PRELID2: variants seen among roughly 807,000 people sequenced by gnomAD.
PRELID2 encodes PRELI domain-containing protein 2.
A neutral mutation model predicts 28.4 loss-of-function variants in PRELID2; 25 were observed. The observed-to-expected ratio is 0.88, with a 90% CI of 0.64 to 1.23. The LOEUF (loss-of-function observed/expected upper bound fraction) is 1.23, where lower values mean the gene tolerates loss of function less well. Among genes scored for constraint, PRELID2 ranks in the 50% most tolerant of loss-of-function variants. PRELID2 has a pLI of 0.00. For synonymous variants in PRELID2, 76 were observed against 71.6 expected (o/e 1.06, Z -0.31); for missense variants, 201 against 214.4 (o/e 0.94, Z 0.39).
chr5:145,691,297 T>C (rs78481769), intron 1 of PRELID2, among the ~76,000 whole-genome samples: 5,195 of 152,296 alleles, frequency 0.034, 297 homozygotes, highest in African/African-American at 0.12. Flanking sequence ...CCAAGCACAG[T>C]TGCTGGTGGT....
the PRELID2 span, among the ~76,000 whole-genome samples, chr5:145,465,369 G>A: frequency 1.3e-5 from 2 of 152,028 alleles, no homozygotes; most frequent in Admixed American, 6.6e-5. Context: ...ATACAAATAA[G>A]GTATTCAAAT....
At chr5:145,257,309 G>A in the PRELID2 span, among the ~76,000 whole-genome samples, 1 of 152,034 alleles carries the variant, frequency 6.6e-6, no homozygotes, top group South Asian at 2.1e-4. Context: ...TTTTATGAAA[G>A]TAGATGAGGA....
the PRELID2 span, among the ~76,000 whole-genome samples, chr5:145,291,682 T>C: frequency 6.6e-6 from 1 of 152,188 alleles, no homozygotes; most frequent in African/African-American, 2.4e-5. Flanking sequence ...TTCTTTGTTG[T>C]TTCTAAAAAC....
the PRELID2 span, chr5:145,440,699 T>C: frequency 6.6e-5 from 10 of 152,096 alleles, no homozygotes; most frequent in African/African-American, 2.4e-4. Flanking sequence ...ACCAACACTC[T>C]ATTCTTAGAG....
At chr5:145,525,704 T>C (rs1431383946) in intron 1 of PRELID2, among the ~76,000 whole-genome samples, 1 of 152,194 alleles carries the variant, frequency 6.6e-6, no homozygotes, top group Non-Finnish European at 1.5e-5. Context: ...CGGTTTACTC[T>C]CAATGATCGA....
intron 1 of PRELID2, among the ~76,000 whole-genome samples, chr5:145,604,528 G>T (rs1753467959): frequency 6.6e-6 from 1 of 151,980 alleles, no homozygotes; most frequent in Non-Finnish European, 1.5e-5. Context: ...TGTGAACAGT[G>T]CTGCAATGAA....
chr5:145,272,075 T>C, the PRELID2 span, among the ~76,000 whole-genome samples: 1 of 138,758 alleles, frequency 7.2e-6, no homozygotes, highest in South Asian at 2.1e-4. Flanking sequence ...ACATATTGGA[T>C]GGCAACATAT....
At chr5:145,692,409 T>A (rs574270681) in intron 1 of PRELID2, among the ~76,000 whole-genome samples, 1 of 152,202 alleles carries the variant, frequency 6.6e-6, no homozygotes, top group East Asian at 1.9e-4. Context: ...GCCTCATGTG[T>A]AACCCTGCTG....
the PRELID2 span, among the ~76,000 whole-genome samples, chr5:145,408,620 C>T: frequency 1.3e-5 from 2 of 151,304 alleles, no homozygotes; most frequent in Non-Finnish European, 2.9e-5. Flanking sequence ...GAAAGAGATT[C>T]AGAGCTTGAA....
At chr5:145,789,619 C>T (rs1752233667) in intron 5 of PRELID2, among the ~76,000 whole-genome samples, 1 of 152,022 alleles carries the variant, frequency 6.6e-6, no homozygotes, top group Non-Finnish European at 1.5e-5. Flanking sequence ...CTCAAAAGCA[C>T]AGGGAACAAA....
At chr5:145,468,711 A>G (rs962109511), downstream of PRELID2, among the ~76,000 whole-genome samples, 3 of 152,116 alleles carry the variant, frequency 2.0e-5, no homozygotes, top group African/African-American at 7.2e-5. Flanking sequence ...CTGCATAAAT[A>G]TCTTCTTTTG....
chr5:145,370,419 G>T, the PRELID2 span, among the ~76,000 whole-genome samples: 2 of 152,032 alleles, frequency 1.3e-5, no homozygotes, highest in Non-Finnish European at 2.9e-5. Flanking sequence ...GTTTGTCAAA[G>T]ATCAGATGGT....
chr5:145,416,747 GCAAA>G, the PRELID2 span, among the ~76,000 whole-genome samples: 1 of 151,862 alleles, frequency 6.6e-6, no homozygotes, highest in Non-Finnish European at 1.5e-5. Context: ...AACTAGAAAA[GCAAA>G]CAAACCCCAA....
chr5:145,347,921 GA>G, the PRELID2 span, among the ~76,000 whole-genome samples: 1 of 152,004 alleles, frequency 6.6e-6, no homozygotes, highest in African/African-American at 2.4e-5. Flanking sequence ...ACTATTGAGG[GA>G]AAGACGCTTT....
At chr5:145,322,700 C>G in the PRELID2 span, among the ~76,000 whole-genome samples, 1 of 152,078 alleles carries the variant, frequency 6.6e-6, no homozygotes, top group Non-Finnish European at 1.5e-5. Context: ...TGTTCTTTAC[C>G]TCATAAAACT....
chr5:145,658,102 T>C (rs983603216), intron 1 of PRELID2, among the ~76,000 whole-genome samples: 4 of 152,182 alleles, frequency 2.6e-5, no homozygotes, highest in African/African-American at 9.7e-5. Context: ...GAGGCTACAA[T>C]AGTGAACAAG....
rs573523896 is a variant in PRELID2 at position 145,718,510 on chromosome 5, A to G, written n.70+46421T>C. ...TCCGATAACTAATGTATAAATTCCC[A>G]GTCAAATTTCAACTTGAATGCATTT... On this transcript the variant is annotated intron_variant and non_coding_transcript_variant, in intron 1 of 2. Transcript: ENST00000510259. Among the ~76,000 whole-genome samples the G allele has an allele frequency of 1.1e-4, 16 of 152,044 alleles. No individual in the cohort carries two copies. The South Asian group carries it at 3.1e-3, about 30-fold the overall frequency.
chr5:145,371,542 T>C, the PRELID2 span, among the ~76,000 whole-genome samples: 1 of 152,118 alleles, frequency 6.6e-6, no homozygotes, highest in African/African-American at 2.4e-5. Context: ...TTCATACCAA[T>C]GTTCATCAGG....
At chr5:145,321,195 G>A in the PRELID2 span, among the ~76,000 whole-genome samples, 13 of 152,164 alleles carry the variant, frequency 8.5e-5, no homozygotes, top group East Asian at 2.3e-3. Flanking sequence ...GAAGAAACCC[G>A]TTAATGATTA....
Sources: allele counts gnomAD v4.1 joint callset (sites outside exome capture counted in the v4.1 genomes callset), GRCh38; gene constraint gnomAD v4.1.1; transcripts MANE v1.5; gene names NCBI Gene and HGNC (gene_info 2026-07-23, HGNC 2026-07-21).